Variants in CAST observed in about 807,000 individuals in gnomAD.
The protein encoded by CAST is MIR583 host.
Under a neutral mutation model 119.6 loss-of-function variants are expected in CAST, and 76 were observed. The observed-to-expected ratio is 0.64, with a 90% confidence interval of 0.53 to 0.77. CAST has a LOEUF of 0.77. Among genes scored for constraint, CAST ranks in the 30% least tolerant of loss-of-function variants. The pLI is 0.00. For missense variants in CAST, 953 were observed against 946.5 expected (o/e 1.01, Z -0.09); for synonymous variants, 319 against 331.6 (o/e 0.96, Z 0.41).
chr5:96,525,618 A>G (rs1745585736), upstream of CAST, among the ~76,000 whole-genome samples: 1 of 152,152 alleles, frequency 6.6e-6, no homozygotes. Flanking sequence ...TATGTTAAAT[A>G]CTTTTAGAGG....
At chr5:96,471,313 T>C in the CAST span, among the ~76,000 whole-genome samples, 1 of 152,244 alleles carries the variant, frequency 6.6e-6, no homozygotes, top group South Asian at 2.1e-4. Context: ...ATTACCATAA[T>C]ACTCCTGGAT....
At chr5:96,159,779 A>C in the CAST span, among the ~76,000 whole-genome samples, 1 of 152,078 alleles carries the variant, frequency 6.6e-6, no homozygotes, top group East Asian at 1.9e-4. Context: ...TTTTGAATGG[A>C]GAAGCTGTTT....
chr5:96,123,773 GGGA>G, the CAST span, among the ~76,000 whole-genome samples: 1 of 152,252 alleles, frequency 6.6e-6, no homozygotes, highest in African/African-American at 2.4e-5. Flanking sequence ...ACTCCCGAGT[GGGA>G]GAATTGAGAA....
At chr5:96,605,236 C>T (rs1747231433) in intron 1 of CAST, among the ~76,000 whole-genome samples, 1 of 152,202 alleles carries the variant, frequency 6.6e-6, no homozygotes, top group African/African-American at 2.4e-5. Flanking sequence ...TAAGCCCCTT[C>T]CCCCTCCCCA....
the CAST span, among the ~76,000 whole-genome samples, chr5:96,108,984 T>C: frequency 6.6e-6 from 1 of 152,242 alleles, no homozygotes; most frequent in Non-Finnish European, 1.5e-5. Context: ...GTGACCCGAT[T>C]TTCCAGGTGC....
chr5:96,520,797 T>C (rs2611742), upstream of CAST, among the ~76,000 whole-genome samples: 64,744 of 152,056 alleles, frequency 0.43, 13,899 homozygotes, highest in Admixed American at 0.45. Flanking sequence ...ATCCACCTAC[T>C]GTGCATGACA....
At chr5:96,703,114 C>T (rs75565343) in intron 3 of CAST, among the ~76,000 whole-genome samples, 1 of 152,082 alleles carries the variant, frequency 6.6e-6, no homozygotes, top group Non-Finnish European at 1.5e-5. Flanking sequence ...CTTGGCGACT[C>T]CTCCTCCTTG....
At chr5:96,163,384 C>T in the CAST span, among the ~76,000 whole-genome samples, 2 of 152,226 alleles carry the variant, frequency 1.3e-5, no homozygotes, top group Non-Finnish European at 2.9e-5. Context: ...TATTCTTTTT[C>T]TATTCCATAA....
chr5:96,356,091 T>C, the CAST span, among the ~76,000 whole-genome samples: 127 of 152,326 alleles, frequency 8.3e-4, no homozygotes, highest in African/African-American at 2.9e-3. Context: ...TGACCAGTGA[T>C]TATTAGCTTT....
intron 1 of CAST, among the ~76,000 whole-genome samples, chr5:96,618,307 T>A (rs1294982300): frequency 2.0e-5 from 3 of 152,230 alleles, no homozygotes; most frequent in Non-Finnish European, 2.9e-5. Flanking sequence ...TGAAAAGCCA[T>A]CCTGGTTTGC....
the CAST span, among the ~76,000 whole-genome samples, chr5:96,492,141 T>C: frequency 6.6e-6 from 1 of 152,252 alleles, no homozygotes; most frequent in Non-Finnish European, 1.5e-5. Flanking sequence ...TATGCATGCA[T>C]GCATGCTTAA....
chr5:96,151,085 G>A, the CAST span, among the ~76,000 whole-genome samples: 1 of 152,092 alleles, frequency 6.6e-6, no homozygotes. Flanking sequence ...AGGAATCATT[G>A]GTTAACTTAG....
chr5:96,425,694 C>T, the CAST span: 3 of 683,748 alleles, frequency 4.4e-6, no homozygotes. Flanking sequence ...CCCTAATCTC[C>T]AGACAATATA....
the CAST span, among the ~76,000 whole-genome samples, chr5:96,246,015 G>C: frequency 3.9e-5 from 6 of 151,980 alleles, no homozygotes; most frequent in Admixed American, 2.6e-4. Context: ...CCTGAAGGTA[G>C]AGGTAGTTGA....
At chr5:96,124,958 C>G in the CAST span, among the ~76,000 whole-genome samples, 2 of 152,126 alleles carry the variant, frequency 1.3e-5, no homozygotes, top group African/African-American at 4.8e-5. Flanking sequence ...ACTTTAAAGA[C>G]TAGCCTTCTG....
chr5:96,400,737 A>C, the CAST span, among the ~76,000 whole-genome samples: 326 of 152,356 alleles, frequency 2.1e-3, no homozygotes, highest in African/African-American at 7.6e-3. Flanking sequence ...TCACTCTTGC[A>C]AGGCACTATG....
chr5:96,074,739 C>T, the CAST span, among the ~76,000 whole-genome samples: 1 of 152,272 alleles, frequency 6.6e-6, no homozygotes, highest in East Asian at 1.9e-4. Context: ...AAAGGTTAAA[C>T]CAGCAAATTC....
chr5:96,353,780 T>C, the CAST span, among the ~76,000 whole-genome samples: 2 of 151,424 alleles, frequency 1.3e-5, no homozygotes, highest in South Asian at 4.1e-4. Flanking sequence ...TTACAAACTT[T>C]CCTGGTTCTT....
chr5:96,416,414 A>C, the CAST span, among the ~76,000 whole-genome samples: 1 of 152,364 alleles, frequency 6.6e-6, no homozygotes, highest in Non-Finnish European at 1.5e-5. Flanking sequence ...TATGTAAAAC[A>C]CTTAGAGCAG....
Sources: allele counts gnomAD v4.1 joint callset (sites outside exome capture counted in the v4.1 genomes callset), GRCh38; gene constraint gnomAD v4.1.1; transcripts MANE v1.5; gene names NCBI Gene and HGNC (gene_info 2026-07-23, HGNC 2026-07-21).